The following EHMT1 variants were observed in gnomAD, a reference collection of about 807,000 sequenced individuals.
The protein encoded by EHMT1 is euchromatic histone lysine methyltransferase 1.
A neutral mutation model predicts 147.2 loss-of-function variants in EHMT1; 15 were observed. That is an observed-to-expected ratio of 0.10 (90% CI 0.07 to 0.16). The LOEUF is 0.16. Among genes scored for constraint, EHMT1 ranks in the 10% least tolerant of loss-of-function variants. The pLI, the probability that EHMT1 is intolerant of heterozygous loss-of-function variation, is 1.00. For synonymous variants in EHMT1, 795 were observed against 709.6 expected, an observed-to-expected ratio of 1.12 and a Z score of -1.91; for missense variants, 1,587 against 1,772.4, an observed-to-expected ratio of 0.90 and a Z score of 1.88.
chr9:137,759,768 T>G (rs1290274593), intron 9 of EHMT1, among the ~76,000 whole-genome samples: 1 of 152,206 alleles, frequency 6.6e-6, no homozygotes, highest in Non-Finnish European at 1.5e-5. Context: ...GTGCTGGCCG[T>G]GTGGCCCGGG....
chr9:137,688,311 A>G (rs1057401357), intron 1 of EHMT1, among the ~76,000 whole-genome samples: 4 of 152,240 alleles, frequency 2.6e-5, no homozygotes, highest in African/African-American at 9.6e-5. Flanking sequence ...AGAGTGAGCC[A>G]TTGTGCCCAG....
At chr9:137,814,536 C>T (rs1016760412) in intron 22 of EHMT1, 28 bp downstream of exon 22, 4 of 1,601,352 alleles carry the variant, frequency 2.5e-6, no homozygotes, top group East Asian at 2.2e-5. Flanking sequence ...TGCGTGGGCT[C>T]AGGTGGTAAG....
Position 137,811,536 on chromosome 9 carries a change from T to G in EHMT1, c.2788T>G (p.Cys930Gly). The change falls in exon 19 of 27, where the codon TGC becomes GGC. Residue 930 changes from cysteine (C) to glycine (G), a missense_variant. Transcript: ENST00000460843. ...AGCCGAGATCCTGCTGGCTGCCAAG[T>G]GCGACCTCCACGCCGTGAACATCCA... Reference protein sequence around the residue: ...DIAEILLAAKCDLHAVNIHGD... With the variant: ...DIAEILLAAKGDLHAVNIHGD... 1 of 1,610,618 alleles carries G rather than the reference T, an allele frequency of 6.2e-7. No homozygotes were observed. Among genetic ancestry groups the G allele is most frequent in the Non-Finnish European group, 8.5e-7 (1 of 1,180,010 alleles).
chr9:137,730,416 C>T (rs1000816574), intron 4 of EHMT1, among the ~76,000 whole-genome samples: 5 of 151,838 alleles, frequency 3.3e-5, no homozygotes, highest in Admixed American at 2.6e-4. Flanking sequence ...CTTTCCTGTC[C>T]GTCCACACAG....
chr9:137,832,645 T>G (rs1042550725), intron 25 of EHMT1: 8 of 153,726 alleles, frequency 5.2e-5, no homozygotes, highest in African/African-American at 1.9e-4. Context: ...CAGCCGTCCT[T>G]CTCTGGACTG....
intron 1 of EHMT1, among the ~76,000 whole-genome samples, chr9:137,709,653 G>A (rs1337801970): frequency 6.5e-5 from 9 of 138,350 alleles, no homozygotes; most frequent in Non-Finnish European, 1.2e-4. Flanking sequence ...CTGGACACCC[G>A]GGTTTTTGCA....
chr9:137,768,796 C>T (rs1200624089), intron 10 of EHMT1, among the ~76,000 whole-genome samples: 3 of 151,624 alleles, frequency 2.0e-5, no homozygotes, highest in South Asian at 2.1e-4. Flanking sequence ...GTGATCCGCC[C>T]GCCTCGGCCT....
chr9:137,762,884 G>A, intron 10 of EHMT1, 64 bp downstream of exon 10: 2 of 1,607,462 alleles, frequency 1.2e-6, no homozygotes, highest in Non-Finnish European at 1.7e-6. Context: ...CAGCCCAGCA[G>A]GGGCCCCGAC....
At chr9:137,741,137 C>T (rs1041855173) in intron 4 of EHMT1, among the ~76,000 whole-genome samples, 3 of 152,072 alleles carry the variant, frequency 2.0e-5, no homozygotes, top group African/African-American at 7.2e-5. Flanking sequence ...CCACCTTGGC[C>T]GGCTAATTTT....
At chr9:137,631,875 C>G (rs765699746) in intron 1 of EHMT1, among the ~76,000 whole-genome samples, 3 of 151,806 alleles carry the variant, frequency 2.0e-5, no homozygotes, top group Non-Finnish European at 4.4e-5. Context: ...GAGACCCTGT[C>G]TCAAAAAAAG....
chr9:137,718,807 G>A (rs1265473514), intron 3 of EHMT1, among the ~76,000 whole-genome samples: 1 of 147,828 alleles, frequency 6.8e-6, no homozygotes, highest in Admixed American at 6.7e-5. Context: ...CCAGGTTAGA[G>A]TGAAATGGCG....
At chr9:137,832,465 C>T (rs1022848624) in intron 25 of EHMT1, among the ~76,000 whole-genome samples, 2 of 150,166 alleles carry the variant, frequency 1.3e-5, no homozygotes, top group Admixed American at 6.6e-5. Context: ...CCTCAGGCCC[C>T]GCCTCCCACG....
chr9:137,815,439 G>A (rs913688219), intron 22 of EHMT1: 7 of 218,166 alleles, frequency 3.2e-5, no homozygotes, highest in African/African-American at 4.5e-5. Flanking sequence ...TGGGCCCCGC[G>A]CCTCAGCTCA....
chr9:137,748,969 G>A (rs1220668607), intron 6 of EHMT1, among the ~76,000 whole-genome samples: 8 of 152,252 alleles, frequency 5.3e-5, no homozygotes, highest in Non-Finnish European at 5.9e-5. Flanking sequence ...CAGCTGGTGC[G>A]GCAGCCACTC....
chr9:137,678,946 C>CTTATT (rs896612881), intron 1 of EHMT1, among the ~76,000 whole-genome samples: 11 of 152,038 alleles, frequency 7.2e-5, no homozygotes, highest in South Asian at 4.2e-4. Context: ...GTTTATTTAT[C>CTTATT]TTATTTTATT....
At chr9:137,683,464 A>T (rs758040647) in intron 1 of EHMT1, among the ~76,000 whole-genome samples, 24 of 152,344 alleles carry the variant, frequency 1.6e-4, no homozygotes, top group Middle Eastern at 3.4e-3. Context: ...ATTAATAGAG[A>T]TGAGGTCATG....
At chr9:137,762,861 G>T in intron 10 of EHMT1, 41 bp downstream of exon 10, 1 of 1,611,822 alleles carries the variant, frequency 6.2e-7, no homozygotes. Context: ...CACGAGGAGT[G>T]AGTGAGAAAG....
rs116989487 is a variant in EHMT1 at position 137,740,047 on chromosome 9, G to C, written c.824-3324G>C. Among the ~76,000 whole-genome samples, 63 of 152,268 alleles carry C rather than the reference G, an allele frequency of 4.1e-4. No individual in the cohort carries two copies. The East Asian group carries it at 9.9e-3, about 24-fold the overall frequency. The stretch of plus-strand genomic sequence containing the variant: ...AGACTGCTGTGTTTCCCGTGCACTT[G>C]CTTTTTTCCCTCACTTCCAACCTCC... On this transcript the variant is annotated intron_variant, in intron 4 of 26. Transcript: ENST00000460843.
chr9:137,813,655 G>A lies in EHMT1; in HGVS notation c.3180+125G>A, dbSNP rs1954676682. ...GGGCTTATGGGGGGCTTCCCAGGAA[G>A]ACCTCATTCTCTTTGTAGTTGCCTC... On this transcript the variant is annotated intron_variant, in intron 21 of 26. Transcript: ENST00000460843. This position sits in a 1 kb window ranked among gnomAD's most constrained non-coding sequence, Gnocchi z 4.9. The A allele has an allele frequency of 7.3e-7, 1 of 1,368,136 alleles. No individual in the cohort carries two copies. Among genetic ancestry groups the A allele is most frequent in the Non-Finnish European group, 1.0e-6 (1 of 990,672 alleles). 84.7% of individuals were successfully genotyped at this position (1,368,136 alleles called of 1,614,324 possible). A position where few individuals can be genotyped will look rare whatever the true frequency, so the allele number is the denominator to read the frequency against.
Sources: gnomAD v4.1 joint callset for allele counts (sites outside exome capture counted in the v4.1 genomes callset) on GRCh38, gnomAD v4.1.1 for gene constraint, Gnocchi (gnomAD v3.1) non-coding constraint, MANE v1.5 for transcripts, NCBI Gene and HGNC (gene_info 2026-07-23, HGNC 2026-07-21) for gene names.